TIMM23: variants seen among roughly 807,000 people sequenced by gnomAD.
TIMM23 encodes the protein mitochondrial import inner membrane translocase subunit Tim23.
Under a neutral mutation model 30.7 loss-of-function variants are expected in TIMM23, and 19 were observed. The observed-to-expected ratio is 0.62, with a 90% CI of 0.43 to 0.91. TIMM23 has a LOEUF of 0.91. Ranked by LOEUF, TIMM23 falls within the 40% of genes least tolerant of loss-of-function variation. The pLI, the probability that TIMM23 is intolerant of heterozygous loss-of-function variation, is 0.00. For missense variants in TIMM23, 202 were observed against 269.2 expected (o/e 0.75, Z 1.75); for synonymous variants, 78 against 98.5 (o/e 0.79, Z 1.23).
rs71217997 is a variant in TIMM23 at position 45,981,794 on chromosome 10, TA to T, written c.166-728del. 4.7e-3 allele frequency among the ~76,000 whole-genome samples: 714 copies of T among 152,360 alleles called. 5 individuals are homozygous for T. Among genetic ancestry groups the T allele is most frequent in the East Asian group, 0.019 (98 of 5,196 alleles). On this transcript the variant is annotated intron_variant, in intron 2 of 6. Coordinates refer to ENST00000580018, the MANE Select transcript of TIMM23 (RefSeq NM_006327.4). The stretch of plus-strand genomic sequence containing the variant: ...AGCTTGCCAAAAATGAGTGTGATTT[TA>T]TTTTTTTAATCCAACATGGTGATAA...
In TIMM23 at chr10:45,997,105, A is replaced by G. The variant is rs1189038378; in HGVS notation, c.515-6098A>G. On this transcript the variant is annotated intron_variant, in intron 6 of 6. Transcript: ENST00000580018. The stretch of plus-strand genomic sequence containing the variant: ...AAAAATGAGCTAAGCATGGTGGTAC[A>G]TGCTACTCCCGAGGCTGAGGTGGGA... 4.6e-5 allele frequency among the ~76,000 whole-genome samples: 7 copies of G among 152,208 alleles called. No homozygotes were observed. In the East Asian group the frequency reaches 9.7e-4, roughly 21 times the overall value.
intron 6 of TIMM23, among the ~76,000 whole-genome samples, chr10:45,994,848 T>A (rs1838282188): frequency 6.6e-6 from 1 of 152,186 alleles, no homozygotes; most frequent in East Asian, 1.9e-4. Context: ...TCAGTGGTGC[T>A]ATACTTAGAG....
At chr10:45,973,087 C>T (rs1837544510) in intron 1 of TIMM23, among the ~76,000 whole-genome samples, 1 of 152,090 alleles carries the variant, frequency 6.6e-6, no homozygotes, top group Non-Finnish European at 1.5e-5. Context: ...AAATAGCAAG[C>T]CCGTAGTTAA....
At chr10:45,972,921 A>G (rs1837538790) in intron 1 of TIMM23, among the ~76,000 whole-genome samples, 191 bp downstream of exon 1, 1 of 151,882 alleles carries the variant, frequency 6.6e-6, no homozygotes, top group Admixed American at 6.6e-5. Flanking sequence ...AGGGCCACGG[A>G]TCTCCTGGGG....
chr10:45,996,265 G>C (rs1339921795), intron 6 of TIMM23, among the ~76,000 whole-genome samples: 7 of 144,502 alleles, frequency 4.8e-5, no homozygotes, highest in Non-Finnish European at 1.0e-4. Flanking sequence ...GGGAGGCTGA[G>C]ACAGGAGAAT....
intron 1 of TIMM23, among the ~76,000 whole-genome samples, chr10:45,974,725 G>A (rs1366270205): frequency 6.6e-6 from 1 of 152,166 alleles, no homozygotes; most frequent in Non-Finnish European, 1.5e-5. Context: ...GAGAAGATAA[G>A]TAACACAATT....
chr10:45,994,008 AATG>A (rs1306726524), intron 6 of TIMM23, among the ~76,000 whole-genome samples: 3 of 152,284 alleles, frequency 2.0e-5, no homozygotes, highest in Admixed American at 1.3e-4. Context: ...CTTGAAATGA[AATG>A]ATGAAGTAAT....
At chr10:45,992,123 C>T (rs1215205231) in intron 6 of TIMM23, among the ~76,000 whole-genome samples, 5 of 152,076 alleles carry the variant, frequency 3.3e-5, no homozygotes. Context: ...CATGCCACCA[C>T]ACCCAGCTAA....
At chr10:45,972,788 T>G (rs2132234215) in intron 1 of TIMM23, 58 bp downstream of exon 1, 1 of 1,601,112 alleles carries the variant, frequency 6.2e-7, no homozygotes, top group Non-Finnish European at 8.5e-7. Flanking sequence ...CTACACTAAG[T>G]TGCGCGTCCC....
chr10:45,989,762 A>G (rs1207672215), intron 6 of TIMM23, among the ~76,000 whole-genome samples: 1 of 152,218 alleles, frequency 6.6e-6, no homozygotes, highest in Non-Finnish European at 1.5e-5. Context: ...TCCTATGATC[A>G]TCTTACTCTA....
At chr10:45,974,687 T>C (rs1350426889) in intron 1 of TIMM23, among the ~76,000 whole-genome samples, 2 of 152,158 alleles carry the variant, frequency 1.3e-5, no homozygotes, top group African/African-American at 4.8e-5. Context: ...CTGTGAGATA[T>C]GATGGTTGGA....
chr10:45,972,853 C>T, intron 1 of TIMM23, 123 bp downstream of exon 1: 8 of 1,527,444 alleles, frequency 5.2e-6, no homozygotes, highest in Admixed American at 2.1e-5. Context: ...GCTTAAGTAC[C>T]AGTGGTGGGG....
At position 46,002,590 on chromosome 10, in the gene TIMM23, G is replaced by A. The variant is rs994660423; in HGVS notation, c.515-613G>A. On this transcript the variant is annotated intron_variant, in intron 6 of 6. Transcript: ENST00000580018. ...AGACTTAAATCCATTGACAGTGCTA[G>A]TGGAGTTCTAAATCATATTACTAGC... is the stretch of plus-strand genomic sequence containing the variant. 7 of 696,686 alleles carry A rather than the reference G, an allele frequency of 1.0e-5. No homozygotes were observed. The Admixed American group carries it at 3.1e-4, about 31-fold the overall frequency. The allele number at this position is 696,686 out of a possible 1,614,324, so 43.2% of individuals were successfully genotyped here. A position where few individuals can be genotyped will look rare whatever the true frequency, so the allele number is the denominator to read the frequency against.
At chr10:45,999,885 C>T (rs940972089) in intron 6 of TIMM23, among the ~76,000 whole-genome samples, 2 of 152,134 alleles carry the variant, frequency 1.3e-5, no homozygotes, top group Non-Finnish European at 2.9e-5. Flanking sequence ...CCCCCAGGCG[C>T]GTATTCTCTT....
chr10:45,972,646 G>C lies in TIMM23; in HGVS notation c.22G>C (p.Gly8Arg). 2 of 1,613,982 alleles carry C rather than the reference G, an allele frequency of 1.2e-6. No homozygotes were observed. The highest frequency in any genetic ancestry group is 1.7e-4 in the Middle Eastern group (1 of 6,054). Residue 8 changes from glycine to arginine, a missense_variant, in exon 1 of 7, where the codon GGC becomes CGC. Coordinates refer to ENST00000580018, the MANE Select transcript of TIMM23 (RefSeq NM_006327.4). ...TACCATGGAAGGAGGCGGGGGAAGC[G>C]GCAACAAAACCACAGGGGGATTGGC... Reference protein sequence around the residue: MEGGGGSGNKTTGGLAGF... With the variant: MEGGGGSRNKTTGGLAGF...
intron 5 of TIMM23, among the ~76,000 whole-genome samples, chr10:45,986,782 A>G (rs587597606): frequency 1.4e-5 from 2 of 145,984 alleles, no homozygotes; most frequent in Admixed American, 7.1e-5. Flanking sequence ...TTTTTAATCT[A>G]TTTTTTCTTA....
chr10:45,991,149 C>G (rs1396206838), intron 6 of TIMM23, among the ~76,000 whole-genome samples: 1 of 152,112 alleles, frequency 6.6e-6, no homozygotes, highest in Non-Finnish European at 1.5e-5. Flanking sequence ...TGAGCCAGAC[C>G]TTAAGAATGG....
chr10:45,990,116 A>ATTTT (rs782791725), intron 6 of TIMM23, among the ~76,000 whole-genome samples: 16 of 135,824 alleles, frequency 1.2e-4, no homozygotes, highest in Non-Finnish European at 1.6e-4. Context: ...GCAACTTTTA[A>ATTTT]TTTTTTTTTT....
rs550602799 is a variant in TIMM23, at chr10:46,001,233, T to C, written c.515-1970T>C. ...ACATTGAATACAGTTGGAAGTTTAA[T>C]TGCTGTGCCTACAGTCTGAATATGG... On this transcript the variant is annotated intron_variant, in intron 6 of 6. Transcript: ENST00000580018. Among the ~76,000 whole-genome samples, 3 of 152,332 alleles carry C rather than the reference T, an allele frequency of 2.0e-5. No individual in the cohort carries two copies. The South Asian group carries it at 6.2e-4, about 32-fold the overall frequency.
Sources: gnomAD v4.1 joint callset for allele counts (sites outside exome capture counted in the v4.1 genomes callset) on GRCh38, gnomAD v4.1.1 for gene constraint, MANE v1.5 for transcripts, NCBI Gene and HGNC (gene_info 2026-07-23, HGNC 2026-07-21) for gene names.